Variants in TRPC4 observed in about 807,000 individuals in gnomAD.
The protein encoded by TRPC4 is short transient receptor potential channel 4.
TRPC4 carries 49 observed loss-of-function variants against 99.4 expected under a neutral mutation model. The observed-to-expected ratio is 0.49, with a 90% confidence interval of 0.39 to 0.63. TRPC4 has a LOEUF of 0.63. Ranked by LOEUF, TRPC4 falls within the 20% of genes least tolerant of loss-of-function variation. The pLI is 0.00. For synonymous variants in TRPC4, 454 were observed against 425.9 expected (o/e 1.07, Z -0.81); for missense variants, 898 against 1,152.9 (o/e 0.78, Z 3.20).
Position 37,637,156 on chromosome 13 carries a change from C to G in TRPC4, c.2681G>C (p.Arg894Pro). The change falls in exon 11 of 11, where the codon CGG becomes CCG. Residue 894 changes from arginine (R) to proline (P), a missense_variant. Arg to Pro is a moderately radical substitution (Grantham distance 103, BLOSUM62 -2). Coordinates refer to ENST00000379705, the MANE Select transcript of TRPC4 (RefSeq NM_016179.4). ...GAGACCGGGAATGCTCAGGTCACCC[C>G]GTGAAGCTAATCCTCGAGATTCCAG... ...IQLESRGLAS[R>P]GDLSIPGLSE... The G allele has an allele frequency of 6.2e-7, 1 of 1,613,778 alleles. No homozygotes were observed. The highest frequency in any genetic ancestry group is 8.5e-7 in the Non-Finnish European group (1 of 1,179,840).
Position 37,783,012 on chromosome 13 carries a change from C to T in TRPC4, c.322G>A (p.Val108Ile). 1 of 1,608,640 alleles carries T rather than the reference C, an allele frequency of 6.2e-7. No individual in the cohort carries two copies. The highest frequency in any genetic ancestry group is 8.5e-7 in the Non-Finnish European group (1 of 1,177,618). ...DALLHAIRKE[V>I]VGAVELLLNH... ...AATAACAGCTCAACAGCTCCGACGA[C>T]TTCTTTTCTGATAGCATGTAATAGA... The change falls in exon 2 of 11, where the codon GTC (valine) becomes ATC (isoleucine). Residue 108 changes from valine to isoleucine, a missense_variant. Transcript: ENST00000379705.
At chr13:37,755,162 T>G (rs1217154166) in intron 2 of TRPC4, among the ~76,000 whole-genome samples, 2 of 152,086 alleles carry the variant, frequency 1.3e-5, no homozygotes, top group Non-Finnish European at 2.9e-5. Context: ...AAATTCAGTT[T>G]TTATAAAATA....
chr13:37,856,255 A>G (rs999385048), intron 1 of TRPC4, among the ~76,000 whole-genome samples: 1 of 151,698 alleles, frequency 6.6e-6, no homozygotes, highest in African/African-American at 2.4e-5. Context: ...ATGCCAATAA[A>G]TTCTAAAATC....
intron 1 of TRPC4, among the ~76,000 whole-genome samples, chr13:37,844,332 T>C (rs943484893): frequency 6.6e-6 from 1 of 152,134 alleles, no homozygotes. Flanking sequence ...TTCACTCTTG[T>C]TGCCCAGGCT....
At chr13:37,839,367 T>G (rs1469582128) in intron 1 of TRPC4, among the ~76,000 whole-genome samples, 3 of 152,174 alleles carry the variant, frequency 2.0e-5, no homozygotes, top group Non-Finnish European at 4.4e-5. Context: ...AAAGCTTAGA[T>G]ACCATCGTCA....
intron 4 of TRPC4, among the ~76,000 whole-genome samples, chr13:37,682,789 T>G (rs1953295141): frequency 6.6e-6 from 1 of 152,102 alleles, no homozygotes; most frequent in African/African-American, 2.4e-5. Context: ...CTCACCCTGT[T>G]TCCCAGGCTG....
rs1363089654 is a variant in TRPC4 at position 37,821,048 on chromosome 13, G to A, written c.-27-37688C>T. Among the ~76,000 whole-genome samples, 4 of 152,060 alleles carry A rather than the reference G, an allele frequency of 2.6e-5. No homozygotes were observed. In the East Asian group the frequency reaches 7.7e-4, roughly 29 times the overall value. ...ATATGTAGAAAGCCCCATAGTCTCTGCACAAAAGCTCCTTGATCTGATAAA... is the reference window on the plus strand; with the variant it reads ...ATATGTAGAAAGCCCCATAGTCTCTACACAAAAGCTCCTTGATCTGATAAA... On this transcript the variant is annotated intron_variant, in intron 1 of 10. Coordinates refer to ENST00000379705, the MANE Select transcript of TRPC4 (RefSeq NM_016179.4).
chr13:37,806,275 T>G (rs1243271224), intron 1 of TRPC4, among the ~76,000 whole-genome samples: 1 of 152,094 alleles, frequency 6.6e-6, no homozygotes, highest in Non-Finnish European at 1.5e-5. Context: ...GTGCACTTTT[T>G]TTCTTTACCT....
chr13:37,742,445 A>T (rs1287431939), intron 3 of TRPC4, among the ~76,000 whole-genome samples: 1 of 152,190 alleles, frequency 6.6e-6, no homozygotes, highest in Non-Finnish European at 1.5e-5. Context: ...CAGGGGCTAC[A>T]GTATGACTGG....
intron 1 of TRPC4, among the ~76,000 whole-genome samples, chr13:37,812,294 A>T (rs1957723474): frequency 6.6e-6 from 1 of 151,902 alleles, no homozygotes; most frequent in Admixed American, 6.6e-5. Context: ...CAACAAAGTA[A>T]AATTTATAGT....
chr13:37,854,454 G>T (rs775983660), intron 1 of TRPC4, among the ~76,000 whole-genome samples: 47 of 151,966 alleles, frequency 3.1e-4, no homozygotes, highest in Admixed American at 2.6e-4. Flanking sequence ...AAAAGAAAAT[G>T]GTGTTGATGA....
At chr13:37,728,440 C>A (rs1049613764) in intron 3 of TRPC4, among the ~76,000 whole-genome samples, 3 of 151,652 alleles carry the variant, frequency 2.0e-5, no homozygotes, top group Middle Eastern at 3.4e-3. Context: ...ATAAAAAAAT[C>A]AAAAAGTATA....
intron 3 of TRPC4, among the ~76,000 whole-genome samples, chr13:37,711,638 A>G (rs9548028): frequency 0.4 from 61,004 of 151,814 alleles, 12,712 homozygotes; most frequent in Middle Eastern, 0.51. Context: ...AAAAAAATAC[A>G]GTAATCTGTA....
intron 3 of TRPC4, among the ~76,000 whole-genome samples, chr13:37,707,115 C>T (rs1297227479): frequency 6.6e-6 from 1 of 152,128 alleles, no homozygotes; most frequent in Non-Finnish European, 1.5e-5. Context: ...GAAATATCAA[C>T]ATTCGACTTG....
intron 3 of TRPC4, among the ~76,000 whole-genome samples, chr13:37,722,446 G>T (rs1217164733): frequency 6.6e-6 from 1 of 152,164 alleles, no homozygotes; most frequent in Admixed American, 6.6e-5. Flanking sequence ...CACTGACTCC[G>T]TACTGGTAAA....
At chr13:37,813,343 A>G (rs1957756357) in intron 1 of TRPC4, among the ~76,000 whole-genome samples, 3 of 151,786 alleles carry the variant, frequency 2.0e-5, no homozygotes, top group Admixed American at 6.6e-5. Flanking sequence ...AGAAATTATA[A>G]ATGTAAAAAT....
At chr13:37,843,228 A>T (rs1446179056) in intron 1 of TRPC4, among the ~76,000 whole-genome samples, 1 of 152,220 alleles carries the variant, frequency 6.6e-6, no homozygotes, top group Non-Finnish European at 1.5e-5. Context: ...TATGAGGGTA[A>T]TAATATAAAA....
intron 1 of TRPC4, among the ~76,000 whole-genome samples, chr13:37,834,430 G>A (rs979225357): frequency 3.3e-5 from 5 of 152,094 alleles, no homozygotes; most frequent in South Asian, 4.1e-4. Flanking sequence ...TTTTGTTTAC[G>A]TGTGAATTAT....
chr13:37,783,368 T>C lies in TRPC4; in HGVS notation c.-27-8A>G, dbSNP rs760921872. ...CATGCTATTTCTTCGTCTCTGAAAG[T>C]AGAAACAAAAAACACAAAGATTAGT... On this transcript the variant is annotated splice_region_variant and splice_polypyrimidine_tract_variant and intron_variant, in intron 1 of 10. Coordinates refer to ENST00000379705, the MANE Select transcript of TRPC4 (RefSeq NM_016179.4). 5 of 1,503,446 alleles carry C rather than the reference T, an allele frequency of 3.3e-6. No individual in the cohort carries two copies. The highest frequency in any genetic ancestry group is 1.4e-5 in the African/African-American group (1 of 71,584). The allele number at this position is 1,503,446 out of a possible 1,614,324, so 93.1% of individuals were successfully genotyped here.
Sources: gnomAD v4.1 joint callset for allele counts (sites outside exome capture counted in the v4.1 genomes callset) on GRCh38, gnomAD v4.1.1 for gene constraint, MANE v1.5 for transcripts, NCBI Gene and HGNC (gene_info 2026-07-23, HGNC 2026-07-21) for gene names.